The following TULP4 variants were observed in gnomAD, a reference collection of about 807,000 sequenced individuals.
TULP4 encodes the protein tubby-related protein 4.
In TULP4, 16 loss-of-function variants were observed where a neutral mutation model predicts 129.0. That is an observed-to-expected ratio of 0.12 (90% CI 0.08 to 0.19). The LOEUF is 0.19. TULP4 is among the 10% of genes least tolerant of loss of function. TULP4 has a pLI of 1.00. For synonymous variants in TULP4, 998 were observed against 854.0 expected, an observed-to-expected ratio of 1.17 and a Z score of -2.94; for missense variants, 1,842 against 2,059.1, an observed-to-expected ratio of 0.89 and a Z score of 2.04.
At chr6:158,385,723 G>GTTT (rs66529574) in intron 1 of TULP4, among the ~76,000 whole-genome samples, 2 of 141,904 alleles carry the variant, frequency 1.4e-5, no homozygotes, top group Non-Finnish European at 3.1e-5. Flanking sequence ...AGTTTCCTGG[G>GTTT]TTTTTTTTTT....
chr6:158,337,789 T>C (rs1562525645), intron 1 of TULP4, among the ~76,000 whole-genome samples: 1 of 46,600 alleles, frequency 2.1e-5, no homozygotes, highest in Non-Finnish European at 5.5e-5. Context: ...AGTGAATGTT[T>C]GATTTTTTTT....
chr6:158,415,289 A>G, intron 2 of TULP4, among the ~76,000 whole-genome samples: 1 of 152,202 alleles, frequency 6.6e-6, no homozygotes, highest in East Asian at 1.9e-4. Flanking sequence ...CTTGATAATA[A>G]CAAATGACTA....
intron 5 of TULP4, among the ~76,000 whole-genome samples, chr6:158,455,806 A>G (rs1779280732): frequency 6.6e-6 from 1 of 152,190 alleles, no homozygotes; most frequent in Non-Finnish European, 1.5e-5. Context: ...AAGTTAGATT[A>G]AATCGAAATG....
intron 1 of TULP4, among the ~76,000 whole-genome samples, chr6:158,349,035 AGAGGC>A (rs1780403142): frequency 1.6e-5 from 1 of 63,272 alleles, no homozygotes; most frequent in Non-Finnish European, 3.6e-5. Context: ...GCAGCCGGGC[AGAGGC>A]GCTCCTCACT....
At chr6:158,242,797 T>C in intron 1 of TULP4, 2 of 313,378 alleles carry the variant, frequency 6.4e-6, no homozygotes, top group Non-Finnish European at 1.2e-5. Context: ...GCACAGGCAC[T>C]GAAACTCCAC....
chr6:158,246,026 GTGTGTGTGTGTGTGTGTGTGT>G, intron 1 of TULP4, among the ~76,000 whole-genome samples: 1 of 74,194 alleles, frequency 1.3e-5, no homozygotes, highest in East Asian at 3.1e-4. Flanking sequence ...CCTTAGGGGT[GTGTGTGTGTGTGTGTGTGTGT>G]GTGTGTGTGT....
chr6:158,405,724 C>T (rs191466026), intron 1 of TULP4, among the ~76,000 whole-genome samples: 23 of 151,998 alleles, frequency 1.5e-4, no homozygotes, highest in African/African-American at 5.3e-4. Context: ...TAGCCTTCCA[C>T]CCTTTAGCAC....
intron 9 of TULP4, among the ~76,000 whole-genome samples, chr6:158,492,543 C>T (rs1780240297): frequency 6.6e-6 from 1 of 152,168 alleles, no homozygotes; most frequent in Non-Finnish European, 1.5e-5. Flanking sequence ...GAGAGGACAT[C>T]TAATGCATGC....
chr6:158,335,717 G>A (rs142748133), intron 1 of TULP4, among the ~76,000 whole-genome samples: 10 of 152,246 alleles, frequency 6.6e-5, no homozygotes, highest in East Asian at 3.9e-4. Context: ...CGCTGTTTTC[G>A]TTTAACATCT....
chr6:158,396,184 A>T (rs541572031), intron 1 of TULP4, among the ~76,000 whole-genome samples: 1 of 152,350 alleles, frequency 6.6e-6, no homozygotes, highest in Admixed American at 6.5e-5. Flanking sequence ...CCTAGTAAAT[A>T]TTAGCTGCCA....
chr6:158,349,270 C>G, intron 1 of TULP4, among the ~76,000 whole-genome samples: 1 of 138,234 alleles, frequency 7.2e-6, no homozygotes, highest in African/African-American at 2.6e-5. Context: ...AGAGGCGCTC[C>G]TCACCTCCCA....
Position 158,247,959 on chromosome 6 carries a change from C to T in TULP4, n.68+15656C>T, listed in dbSNP as rs570164680. Reference sequence around the variant, plus strand: ...CAAATGACCCTCTTAGCCACAAAACCGGAGGCACAAATTCAGCTCCAGTGG... The same window carrying T: ...CAAATGACCCTCTTAGCCACAAAACTGGAGGCACAAATTCAGCTCCAGTGG... On this transcript the variant is annotated intron_variant and non_coding_transcript_variant, in intron 1 of 1. Transcript: ENST00000620026. Among the ~76,000 whole-genome samples the T allele has an allele frequency of 1.1e-4, 17 of 152,232 alleles. No individual in the cohort carries two copies. The South Asian group carries it at 2.9e-3, about 26-fold the overall frequency.
At chr6:158,262,586 T>C (rs1378026983) in intron 1 of TULP4, among the ~76,000 whole-genome samples, 7 of 152,330 alleles carry the variant, frequency 4.6e-5, no homozygotes, top group African/African-American at 1.7e-4. Flanking sequence ...GTAATTTTCC[T>C]AGTTCTTCTG....
rs375790398 is a variant in TULP4 at position 158,254,007 on chromosome 6, C to A, written n.68+21704C>A. On this transcript the variant is annotated intron_variant and non_coding_transcript_variant, in intron 1 of 1. Transcript: ENST00000620026. Reference sequence around the variant, plus strand: ...TGAGCTGAGATTGCCCCACTGTACTCCAGCCTGGGTGATAGAGCAAGACTC... The same window carrying A: ...TGAGCTGAGATTGCCCCACTGTACTACAGCCTGGGTGATAGAGCAAGACTC... 7.2e-5 allele frequency among the ~76,000 whole-genome samples: 11 copies of A among 151,998 alleles called. No individual in the cohort carries two copies. In the South Asian group the frequency reaches 1.2e-3, roughly 17 times the overall value.
intron 6 of TULP4, among the ~76,000 whole-genome samples, chr6:158,477,814 C>A (rs1779856241): frequency 6.6e-6 from 1 of 152,152 alleles, no homozygotes; most frequent in South Asian, 2.1e-4. Flanking sequence ...TGCATATGTT[C>A]ATTGCAGCAC....
At chr6:158,259,202 C>T (rs1312289734) in intron 1 of TULP4, among the ~76,000 whole-genome samples, 2 of 152,216 alleles carry the variant, frequency 1.3e-5, no homozygotes, top group African/African-American at 4.8e-5. Context: ...TGCACTTCAG[C>T]CAGAGCTTGC....
chr6:158,278,475 C>T (rs1024213299), upstream of TULP4, among the ~76,000 whole-genome samples: 1 of 151,000 alleles, frequency 6.6e-6, no homozygotes. Flanking sequence ...AAACTATTAT[C>T]TGTATGCTCA....
intron 1 of TULP4, among the ~76,000 whole-genome samples, chr6:158,269,633 T>C (rs1778511113): frequency 6.6e-6 from 1 of 152,266 alleles, no homozygotes; most frequent in Admixed American, 6.5e-5. Context: ...GATAATTGTC[T>C]CTGCATATTT....
intron 1 of TULP4, among the ~76,000 whole-genome samples, chr6:158,379,650 T>C (rs1777279341): frequency 6.6e-6 from 1 of 152,130 alleles, no homozygotes; most frequent in Non-Finnish European, 1.5e-5. Context: ...AGATTGCGGC[T>C]TGGGTTCAGA....
Sources: allele counts gnomAD v4.1 joint callset (sites outside exome capture counted in the v4.1 genomes callset), GRCh38; gene constraint gnomAD v4.1.1; transcripts MANE v1.5; gene names NCBI Gene and HGNC (gene_info 2026-07-23, HGNC 2026-07-21).